Variants in TIA1 observed in about 807,000 individuals in gnomAD.
TIA1 encodes cytotoxic granule associated RNA binding protein TIA1.
TIA1 carries 23 observed loss-of-function variants against 65.9 expected under a neutral mutation model. The ratio of observed to expected loss-of-function variants is 0.35; its 90% CI spans 0.25 to 0.49. The LOEUF is 0.49. TIA1 is among the 20% of genes least tolerant of loss of function. The pLI, the probability that TIA1 is intolerant of heterozygous loss-of-function variation, is 0.98. For missense variants in TIA1, 371 were observed against 477.9 expected (o/e 0.78, Z 2.09); for synonymous variants, 147 against 149.4 (o/e 0.98, Z 0.12).
At chr2:70,221,936 T>C (rs1681589583) in intron 7 of TIA1, among the ~76,000 whole-genome samples, 2 of 151,908 alleles carry the variant, frequency 1.3e-5, no homozygotes, top group South Asian at 4.2e-4. Flanking sequence ...TACAGGTGTG[T>C]GCCACCATGC....
chr2:70,226,093 A>G (rs1293303268), intron 6 of TIA1, among the ~76,000 whole-genome samples: 3 of 152,252 alleles, frequency 2.0e-5, no homozygotes, highest in African/African-American at 7.2e-5. Flanking sequence ...ATATAGCCTA[A>G]AACTCAAACA....
intron 1 of TIA1, among the ~76,000 whole-genome samples, chr2:70,238,260 G>GTTTTTTTTTTTTTTTTTTTTTTT (rs763865705): frequency 1.1e-5 from 1 of 94,596 alleles, no homozygotes; most frequent in African/African-American, 4.5e-5. Flanking sequence ...GTTCCCCCAA[G>GTTTTTTTTTTTTTTTTTTTTTTT]TTTTTTTTTT....
Position 70,248,523 on chromosome 2 carries a change from G to T in TIA1, c.-93C>A. 2 of 1,580,288 alleles carry T rather than the reference G, an allele frequency of 1.3e-6. No homozygotes were observed. The highest frequency in any genetic ancestry group is 4.5e-5 in the East Asian group (2 of 44,162). ...AAGCGGTTATGGCTACAGGATAGTG[G>T]GGTTTCTCGGCTGACCAGAGGTTAC... On this transcript the variant is annotated 5_prime_UTR_variant, in exon 1 of 13. Transcript: ENST00000433529.
intron 7 of TIA1, among the ~76,000 whole-genome samples, chr2:70,219,738 C>CTTTTT (rs1165514822): frequency 2.8e-5 from 3 of 105,862 alleles, no homozygotes; most frequent in African/African-American, 3.6e-5. Flanking sequence ...GGTCGCCAGG[C>CTTTTT]TTTTTTTTTT....
chr2:70,240,543 G>A (rs1474070554), intron 1 of TIA1, among the ~76,000 whole-genome samples: 1 of 152,174 alleles, frequency 6.6e-6, no homozygotes, highest in Non-Finnish European at 1.5e-5. Flanking sequence ...TGGGAACATA[G>A]CAAGACCTCA....
chr2:70,248,620 G>C lies in TIA1; in HGVS notation c.-190C>G, dbSNP rs1398077980. On this transcript the variant is annotated 5_prime_UTR_variant, in exon 1 of 13. The change creates a new upstream start codon in the 5' untranslated region. Coordinates refer to ENST00000433529, the MANE Select transcript of TIA1 (RefSeq NM_022173.4). Reference sequence around the variant, plus strand: ...CGGGAACAATGAAACCCCAATACAAGATGGCGGCGAGCCGGGAGCCTAGGA... The same window carrying C: ...CGGGAACAATGAAACCCCAATACAACATGGCGGCGAGCCGGGAGCCTAGGA... The C allele has an allele frequency of 2.6e-6, 2 of 756,400 alleles. No homozygotes were observed. The highest frequency in any genetic ancestry group is 4.3e-6 in the Non-Finnish European group (2 of 466,184). 46.9% of individuals were successfully genotyped at this position (756,400 alleles called of 1,614,324 possible).
chr2:70,238,610 CAGTGG>C (rs946482356), intron 1 of TIA1, among the ~76,000 whole-genome samples: 73 of 152,106 alleles, frequency 4.8e-4, no homozygotes, highest in African/African-American at 1.6e-3. Flanking sequence ...TGAATGCTTA[CAGTGG>C]GATGAGAAAC....
intron 12 of TIA1, among the ~76,000 whole-genome samples, chr2:70,213,826 A>G (rs1677396817): frequency 6.6e-6 from 1 of 151,844 alleles, no homozygotes; most frequent in Non-Finnish European, 1.5e-5. Context: ...TAATTTTTGT[A>G]TTTTTAGCAG....
chr2:70,228,993 A>G, intron 5 of TIA1, 66 bp downstream of exon 5: 1 of 1,101,846 alleles, frequency 9.1e-7, no homozygotes, highest in Non-Finnish European at 1.2e-6. Flanking sequence ...CAAACAAAAA[A>G]ACTTCAGGTG....
intron 8 of TIA1, 146 bp downstream of exon 8, chr2:70,216,740 G>T: frequency 1.3e-6 from 2 of 1,577,088 alleles, no homozygotes; most frequent in Non-Finnish European, 1.7e-6. Flanking sequence ...TTACAAAAAT[G>T]AAAACTAAGT....
intron 4 of TIA1, 53 bp from the exon 5 acceptor site, chr2:70,229,144 A>G: frequency 6.2e-7 from 1 of 1,609,030 alleles, no homozygotes; most frequent in South Asian, 1.1e-5. Context: ...AACACATTCA[A>G]TCATATCTTA....
intron 5 of TIA1, chr2:70,228,194 A>G (rs553247164): frequency 3.9e-6 from 2 of 514,588 alleles, no homozygotes; most frequent in Non-Finnish European, 5.5e-6. Context: ...TCAGTTTACC[A>G]CTATATTAAG....
rs76005416 is a variant in TIA1 at position 70,247,295 on chromosome 2, G to A, written c.26+1110C>T. On this transcript the variant is annotated intron_variant, in intron 1 of 12. Transcript: ENST00000433529. ...GTAACCACATTTCCAATATAGACAA[G>A]AAATAGCAACTTAAAAGTGGAAAAA... Among the ~76,000 whole-genome samples, 175 of 152,218 alleles carry A rather than the reference G, an allele frequency of 1.1e-3. 3 individuals are homozygous for A. The East Asian group carries it at 0.031, about 27-fold the overall frequency.
chr2:70,238,750 T>C (rs1416158395), intron 1 of TIA1, among the ~76,000 whole-genome samples: 1 of 152,000 alleles, frequency 6.6e-6, no homozygotes, highest in African/African-American at 2.4e-5. Context: ...ACTGTGATGA[T>C]CTTCATTTAA....
intron 1 of TIA1, 99 bp downstream of exon 1, chr2:70,248,306 G>T: frequency 4.4e-6 from 6 of 1,364,622 alleles, no homozygotes; most frequent in Non-Finnish European, 5.9e-6. Flanking sequence ...CGATATCGCG[G>T]TGTCCACGGA....
rs1184941873 is a variant in TIA1 at position 70,212,789 on chromosome 2, T to A, written c.1091A>T (p.Gln364Leu). Residue 364 changes from glutamine to leucine, a missense_variant, in exon 13 of 13, where the codon CAA becomes CTA. Gln to Leu is a moderately radical substitution (Grantham distance 113). Transcript: ENST00000433529. ...MGPNYGVQPP[Q>L]GQNGSMLPNQ... The stretch of plus-strand genomic sequence containing the variant: ...GGGCAACATGCTGCCATTTTGCCCT[T>A]GAGGCGGTTGCACTCCATAATTTGG... 6.2e-7 allele frequency: 1 copy of A among 1,614,170 alleles called. No homozygotes were observed.
intron 1 of TIA1, among the ~76,000 whole-genome samples, chr2:70,242,135 C>G (rs1692082052): frequency 6.6e-6 from 1 of 152,030 alleles, no homozygotes; most frequent in African/African-American, 2.4e-5. Flanking sequence ...TGAAGGTTAT[C>G]ATGCCATTCT....
intron 1 of TIA1, among the ~76,000 whole-genome samples, chr2:70,244,823 A>G (rs1209639363): frequency 1.6e-5 from 2 of 122,672 alleles, no homozygotes; most frequent in Non-Finnish European, 3.2e-5. Flanking sequence ...TGACAGAGCG[A>G]GACTCTGTCT....
At chr2:70,215,530 T>G (rs748818634) in intron 10 of TIA1, 36 bp from the exon 11 acceptor site, 1 of 1,557,810 alleles carries the variant, frequency 6.4e-7, no homozygotes, top group Non-Finnish European at 8.7e-7. Flanking sequence ...CCAATACAAA[T>G]TCTTTTAAAT....
Sources: allele counts gnomAD v4.1 joint callset (sites outside exome capture counted in the v4.1 genomes callset), GRCh38; gene constraint gnomAD v4.1.1; transcripts MANE v1.5; gene names NCBI Gene and HGNC (gene_info 2026-07-23, HGNC 2026-07-21).